SHANK2: variants seen among roughly 807,000 people sequenced by gnomAD.
The protein encoded by SHANK2 is SH3 and multiple ankyrin repeat domains protein 2.
Under a neutral mutation model 133.7 loss-of-function variants are expected in SHANK2, and 43 were observed. The ratio of observed to expected loss-of-function variants is 0.32; its 90% confidence interval spans 0.25 to 0.41. The LOEUF is 0.41. SHANK2 is among the 10% of genes least tolerant of loss of function. The pLI is 1.00. For synonymous variants in SHANK2, 1,017 were observed against 952.8 expected (o/e 1.07, Z -1.24); for missense variants, 1,994 against 2,235.8 (o/e 0.89, Z 2.18).
chr11:70,676,931 A>G (rs1303913098), intron 15 of SHANK2, among the ~76,000 whole-genome samples: 1 of 152,194 alleles, frequency 6.6e-6, no homozygotes, highest in Admixed American at 6.5e-5. Flanking sequence ...AGAACTAAGG[A>G]AAAGTGGTTT....
intron 11 of SHANK2, among the ~76,000 whole-genome samples, chr11:70,846,695 C>G (rs945085438): frequency 7.2e-5 from 11 of 152,328 alleles, no homozygotes; most frequent in Admixed American, 1.3e-4. Context: ...CGTCATCATC[C>G]CCATGACACA....
intron 17 of SHANK2, among the ~76,000 whole-genome samples, chr11:70,616,583 C>G (rs2060744888): frequency 6.6e-6 from 1 of 152,208 alleles, no homozygotes; most frequent in Admixed American, 6.5e-5. Context: ...CCCACAGACC[C>G]TGGAACCAGG....
At chr11:71,150,667 C>G (rs2135423212) in intron 2 of SHANK2, among the ~76,000 whole-genome samples, 1 of 152,110 alleles carries the variant, frequency 6.6e-6, no homozygotes, top group African/African-American at 2.4e-5. Context: ...CATGTTCTTT[C>G]TTTGTAAGAA....
intron 11 of SHANK2, among the ~76,000 whole-genome samples, chr11:70,851,011 G>A (rs1189157674): frequency 3.3e-5 from 5 of 152,214 alleles, no homozygotes; most frequent in African/African-American, 1.2e-4. Context: ...GTACCCCAAG[G>A]TGACCCATTA....
chr11:70,808,270 C>T (rs986478150), intron 12 of SHANK2, among the ~76,000 whole-genome samples: 15 of 152,058 alleles, frequency 9.9e-5, no homozygotes, highest in Non-Finnish European at 2.1e-4. Context: ...GGCATGATCT[C>T]GGCTCACTGC....
At chr11:71,069,685 T>C (rs888701832) in intron 9 of SHANK2, among the ~76,000 whole-genome samples, 1 of 152,186 alleles carries the variant, frequency 6.6e-6, no homozygotes, top group Non-Finnish European at 1.5e-5. Context: ...AGAGAGACAA[T>C]AGGTTGTCCA....
intron 17 of SHANK2, among the ~76,000 whole-genome samples, chr11:70,646,702 C>T (rs1001631202): frequency 2.6e-5 from 4 of 152,172 alleles, no homozygotes; most frequent in Admixed American, 2.6e-4. Flanking sequence ...CCTAACCCCA[C>T]GTGGTCCAGT....
chr11:71,132,307 T>A (rs1952328197), intron 3 of SHANK2, among the ~76,000 whole-genome samples: 1 of 152,128 alleles, frequency 6.6e-6, no homozygotes, highest in Non-Finnish European at 1.5e-5. Context: ...AAACTGATGA[T>A]CTGCGGCCCT....
chr11:70,708,515 T>C (rs1234262177), intron 14 of SHANK2, among the ~76,000 whole-genome samples: 1 of 152,172 alleles, frequency 6.6e-6, no homozygotes, highest in Non-Finnish European at 1.5e-5. Context: ...GGGTTACTTT[T>C]TGTCAAAGGG....
chr11:70,786,133 G>A (rs781935076), intron 14 of SHANK2, among the ~76,000 whole-genome samples: 1 of 152,186 alleles, frequency 6.6e-6, no homozygotes, highest in Non-Finnish European at 1.5e-5. Flanking sequence ...CAGCTGGCAC[G>A]GGCAGCACAG....
intron 3 of SHANK2, among the ~76,000 whole-genome samples, chr11:71,138,684 C>T (rs1266190603): frequency 5.3e-5 from 8 of 150,376 alleles, no homozygotes; most frequent in Admixed American, 2.0e-4. Flanking sequence ...AGTGTGGTGG[C>T]GTGCACTTGG....
chr11:70,658,892 T>C (rs2061445061), intron 17 of SHANK2, among the ~76,000 whole-genome samples: 1 of 152,216 alleles, frequency 6.6e-6, no homozygotes, highest in African/African-American at 2.4e-5. Flanking sequence ...GGAGTTCTGA[T>C]GTACACGAGG....
At chr11:71,214,397 G>A (rs1954356275) in intron 2 of SHANK2, among the ~76,000 whole-genome samples, 1 of 152,190 alleles carries the variant, frequency 6.6e-6, no homozygotes, top group African/African-American at 2.4e-5. Flanking sequence ...CCAGGCCCTA[G>A]AGGGACACCC....
intron 17 of SHANK2, among the ~76,000 whole-genome samples, chr11:70,623,175 C>G (rs2060854371): frequency 6.8e-6 from 1 of 146,248 alleles, no homozygotes; most frequent in African/African-American, 2.5e-5. Context: ...GATTTCGTCT[C>G]AATCAAAAAA....
At chr11:70,502,504 G>A (rs2059069987) in intron 18 of SHANK2, among the ~76,000 whole-genome samples, 1 of 152,148 alleles carries the variant, frequency 6.6e-6, no homozygotes, top group Non-Finnish European at 1.5e-5. Context: ...GGGTGGGCCT[G>A]GGCAGGGGGA....
chr11:70,916,659 C>T (rs950212734), intron 10 of SHANK2, among the ~76,000 whole-genome samples: 3 of 152,138 alleles, frequency 2.0e-5, no homozygotes, highest in Non-Finnish European at 2.9e-5. Context: ...GAAGCCCCCT[C>T]GCCCTCCCTT....
chr11:71,114,547 A>G (rs997518227), intron 4 of SHANK2, among the ~76,000 whole-genome samples: 53 of 152,230 alleles, frequency 3.5e-4, no homozygotes, highest in African/African-American at 1.1e-3. Flanking sequence ...TCAACTGGCC[A>G]AATAAACCAG....
intron 17 of SHANK2, among the ~76,000 whole-genome samples, chr11:70,637,218 A>G (rs782336069): frequency 4.2e-4 from 64 of 152,162 alleles, no homozygotes; most frequent in Non-Finnish European, 7.6e-4. Context: ...GTTGACCCAC[A>G]TAGTGCCTGT....
At chr11:70,800,475 G>A (rs72937503) in intron 13 of SHANK2, among the ~76,000 whole-genome samples, 1 of 152,116 alleles carries the variant, frequency 6.6e-6, no homozygotes, top group Non-Finnish European at 1.5e-5. Context: ...CAACAGCCCT[G>A]CTGAAAGAGG....
Sources: gnomAD v4.1 joint callset for allele counts (sites outside exome capture counted in the v4.1 genomes callset) on GRCh38, gnomAD v4.1.1 for gene constraint, MANE v1.5 for transcripts, NCBI Gene and HGNC (gene_info 2026-07-23, HGNC 2026-07-21) for gene names.